The following DHX8 variants were observed in gnomAD, a reference collection of about 807,000 sequenced individuals.
DHX8 encodes ATP-dependent RNA helicase DHX8.
A neutral mutation model predicts 140.7 loss-of-function variants in DHX8; 67 were observed. That is an observed-to-expected ratio of 0.48 (90% CI 0.39 to 0.58). The LOEUF is 0.58. Among genes scored for constraint, DHX8 ranks in the 20% least tolerant of loss-of-function variants. The pLI is 0.00. For synonymous variants in DHX8, 533 were observed against 553.2 expected (o/e 0.96, Z 0.51); for missense variants, 887 against 1,550.7 (o/e 0.57, Z 7.19).
chr17:43,541,156 T>A (rs376156513), intron 3 of DHX8, among the ~76,000 whole-genome samples: 1 of 151,922 alleles, frequency 6.6e-6, no homozygotes, highest in African/African-American at 2.4e-5. Flanking sequence ...CCAGGAGAAA[T>A]CTGTCCTAGC....
intron 18 of DHX8, chr17:43,517,782 T>C (rs1970186771): frequency 2.0e-5 from 3 of 153,790 alleles, no homozygotes; most frequent in Admixed American, 6.5e-5. Context: ...TTCTGAATCA[T>C]TGTTCTTCCT....
Position 43,523,662 on chromosome 17 carries a change from G to T in DHX8, c.3478G>T (p.Glu1160Ter). The change falls in exon 23 of 23, where the codon GAA (glutamate) becomes TAA (stop). Residue 1160 changes from glutamate to a stop codon, truncating the protein, a stop_gained. Transcript: ENST00000262415. LOFTEE classifies it high-confidence loss of function. ...CCATGAGCTGGTGCTCACCACCAAG[G>T]AATACATGCGTGAAGTTACCACCAT... Reference protein sequence around the residue: ...VYHELVLTTKEYMREVTTIDP... With the variant: ...VYHELVLTTK 6.2e-7 allele frequency: 1 copy of T among 1,614,190 alleles called. No homozygotes were observed. Among genetic ancestry groups the T allele is most frequent in the South Asian group, 1.1e-5 (1 of 91,086 alleles).
chr17:43,516,715 C>T (rs1049030283), intron 17 of DHX8, among the ~76,000 whole-genome samples: 2 of 152,076 alleles, frequency 1.3e-5, no homozygotes, highest in African/African-American at 2.4e-5. Context: ...TCCCAAAGTG[C>T]TGGGATTATA....
chr17:43,490,510 T>G, intron 3 of DHX8, 47 bp downstream of exon 3: 1 of 1,454,234 alleles, frequency 6.9e-7, no homozygotes, highest in Non-Finnish European at 9.5e-7. Flanking sequence ...TGGTGTAGGT[T>G]TTGAACATCC....
intron 3 of DHX8, chr17:43,536,535 G>T (rs984845503): frequency 1.0e-5 from 16 of 1,533,506 alleles, no homozygotes; most frequent in Non-Finnish European, 1.4e-5. Flanking sequence ...TCCCCTGGGA[G>T]GCTCCATTAT....
chr17:43,507,930 T>G lies in DHX8; in HGVS notation c.2231T>G (p.Val744Gly). 1 of 1,614,180 alleles carries G rather than the reference T, an allele frequency of 6.2e-7. No homozygotes were observed. Among genetic ancestry groups the G allele is most frequent in the Non-Finnish European group, 8.5e-7 (1 of 1,180,024 alleles). Residue 744 changes from valine to glycine, a missense_variant, in exon 15 of 23, where the codon GTG becomes GGG. This residue lies in a region of DHX8 where 151 missense variants were observed against 388.3 expected (regional missense o/e 0.39). Coordinates refer to ENST00000262415, the MANE Select transcript of DHX8 (RefSeq NM_004941.3). ...ACCATCCCAGGTCGAACATATCCAG[T>G]GGAAATACTGTACACAAAGGAACCT... ...IFTIPGRTYP[V>G]EILYTKEPET...
rs1281353906 is a variant in DHX8 at position 43,525,604 on chromosome 17, C to T, written c.*1757C>T. On this transcript the variant is annotated 3_prime_UTR_variant, in exon 23 of 23. Coordinates refer to ENST00000262415, the MANE Select transcript of DHX8 (RefSeq NM_004941.3). ...ACCTCAAATGAAACCAAAGGGGAAA[C>T]GGGGACTGGGCACCCACCTCCCCAA... 1.8e-5 allele frequency: 18 copies of T among 985,334 alleles called. No individual in the cohort carries two copies. The highest frequency in any genetic ancestry group is 1.7e-5 in the Non-Finnish European group (14 of 830,032). The allele number at this position is 985,334 out of a possible 1,614,324, so 61.0% of individuals were successfully genotyped here.
chr17:43,528,540 G>A, downstream of DHX8: 2 of 1,611,822 alleles, frequency 1.2e-6, no homozygotes, highest in Non-Finnish European at 1.7e-6. Flanking sequence ...AGCCACCCTT[G>A]GGGCCAAATG....
intron 11 of DHX8, among the ~76,000 whole-genome samples, chr17:43,502,758 G>A (rs985687179): frequency 6.6e-6 from 1 of 151,968 alleles, no homozygotes; most frequent in Admixed American, 6.6e-5. Context: ...TTTTAAAAAC[G>A]ACAAAAATAA....
downstream of DHX8, chr17:43,527,742 G>A (rs185867856): frequency 1.9e-4 from 39 of 205,538 alleles, no homozygotes; most frequent in African/African-American, 5.9e-4. Flanking sequence ...GGATTTAAGC[G>A]CCAGGGCCTG....
At chr17:43,496,368 C>A in intron 9 of DHX8, 100 bp downstream of exon 9, 1 of 749,636 alleles carries the variant, frequency 1.3e-6, no homozygotes, top group Non-Finnish European at 2.3e-6. Context: ...ATCATTTGTT[C>A]TTTGGATCTC....
At chr17:43,533,388 G>A in intron 2 of DHX8, 2 of 1,579,594 alleles carry the variant, frequency 1.3e-6, no homozygotes, top group Non-Finnish European at 1.7e-6. Flanking sequence ...GGGCAGAGAA[G>A]CTGGAAAGCA....
chr17:43,493,346 T>C, intron 6 of DHX8, 99 bp from the exon 7 acceptor site: 1 of 1,490,776 alleles, frequency 6.7e-7, no homozygotes, highest in Admixed American at 2.0e-5. Context: ...TTCTCTTGAG[T>C]TTAAGACCAT....
intron 17 of DHX8, among the ~76,000 whole-genome samples, chr17:43,514,721 G>A (rs1437314642): frequency 1.3e-5 from 2 of 152,244 alleles, no homozygotes; most frequent in Middle Eastern, 3.4e-3. Context: ...GATGTTCATC[G>A]AAGGATTGGT....
At chr17:43,529,995 C>G, downstream of DHX8, 1 of 1,612,856 alleles carries the variant, frequency 6.2e-7, no homozygotes, top group Non-Finnish European at 8.5e-7. Flanking sequence ...GGGGGTTCAC[C>G]GATGAGACCC....
chr17:43,541,530 A>AG (rs950142693), intron 3 of DHX8, among the ~76,000 whole-genome samples: 3 of 151,968 alleles, frequency 2.0e-5, no homozygotes, highest in Admixed American at 6.5e-5. Context: ...CCTTTCAAAA[A>AG]GGGGGGTTAG....
chr17:43,505,634 C>T (rs1387378980), intron 12 of DHX8, among the ~76,000 whole-genome samples: 1 of 151,920 alleles, frequency 6.6e-6, no homozygotes, highest in Non-Finnish European at 1.5e-5. Context: ...TCTTCTTTTT[C>T]CTGGGGCCCC....
At chr17:43,494,798 T>C (rs1968756808) in intron 8 of DHX8, among the ~76,000 whole-genome samples, 2 of 149,316 alleles carry the variant, frequency 1.3e-5, no homozygotes, top group African/African-American at 4.9e-5. Flanking sequence ...TTCATTCTTT[T>C]GTTTTCTTTC....
At chr17:43,541,015 A>T (rs941217591) in intron 3 of DHX8, among the ~76,000 whole-genome samples, 1 of 152,054 alleles carries the variant, frequency 6.6e-6, no homozygotes, top group Non-Finnish European at 1.5e-5. Flanking sequence ...CCTCAGCATC[A>T]TCTTGCCTTT....
Sources: gnomAD v4.1 joint callset for allele counts (sites outside exome capture counted in the v4.1 genomes callset) on GRCh38, gnomAD v4.1.1 for gene constraint, gnomAD v4.1.1 regional missense constraint, MANE v1.5 for transcripts, NCBI Gene and HGNC (gene_info 2026-07-23, HGNC 2026-07-21) for gene names.